The following HPGDS variants were observed in gnomAD, a reference collection of about 807,000 sequenced individuals.
HPGDS encodes hematopoietic prostaglandin D synthase.
HPGDS carries 26 observed loss-of-function variants against 23.1 expected under a neutral mutation model. That is an observed-to-expected ratio of 1.13 (90% CI 0.83 to 1.56). HPGDS has a LOEUF of 1.56. Among genes scored for constraint, HPGDS ranks in the 40% most tolerant of loss-of-function variants. The pLI, the probability that HPGDS is intolerant of heterozygous loss-of-function variation, is 0.00. For synonymous variants in HPGDS, 95 were observed against 77.9 expected (o/e 1.22, Z -1.16); for missense variants, 268 against 236.4 (o/e 1.13, Z -0.88).
chr4:94,308,800 T>C, intron 3 of HPGDS, 57 bp from the exon 4 acceptor site: 1 of 917,864 alleles, frequency 1.1e-6, no homozygotes, highest in Non-Finnish European at 1.8e-6. Context: ...AAAAAGTTTG[T>C]TTTTAACAGA....
chr4:94,334,127 G>A (rs2059606), intron 2 of HPGDS: 97,198 of 161,982 alleles, frequency 0.6, 29,776 homozygotes, highest in Middle Eastern at 0.64. Context: ...ACTGACCTGG[G>A]TTTGAAACTC....
chr4:94,311,433 A>T (rs1756270228), intron 3 of HPGDS, among the ~76,000 whole-genome samples: 1 of 151,140 alleles, frequency 6.6e-6, no homozygotes, highest in Admixed American at 6.6e-5. Flanking sequence ...TATATGCTGG[A>T]TTACGTTTAT....
chr4:94,335,342 C>T (rs1280082189), intron 1 of HPGDS, among the ~76,000 whole-genome samples: 1 of 152,200 alleles, frequency 6.6e-6, no homozygotes, highest in Admixed American at 6.5e-5. Context: ...TCTTACATTT[C>T]AAAACGTTTG....
At chr4:94,315,758 G>T (rs931409669) in intron 3 of HPGDS, among the ~76,000 whole-genome samples, 2 of 152,218 alleles carry the variant, frequency 1.3e-5, no homozygotes, top group Middle Eastern at 3.4e-3. Context: ...CTATATTTTT[G>T]TGTGTGTGAT....
intron 2 of HPGDS, among the ~76,000 whole-genome samples, chr4:94,318,257 T>A (rs911391237): frequency 1.5e-4 from 23 of 152,152 alleles, no homozygotes; most frequent in Non-Finnish European, 3.1e-4. Flanking sequence ...TTAAAAAAAA[T>A]TAATTGTAAA....
intron 3 of HPGDS, among the ~76,000 whole-genome samples, chr4:94,309,125 AT>A (rs1349130061): frequency 1.7e-5 from 1 of 59,636 alleles, no homozygotes; most frequent in Non-Finnish European, 3.2e-5. Flanking sequence ...TTATTTTTTT[AT>A]TTTTTTAATT....
At chr4:94,322,137 T>C (rs1166190583) in intron 2 of HPGDS, among the ~76,000 whole-genome samples, 1 of 152,140 alleles carries the variant, frequency 6.6e-6, no homozygotes, top group Non-Finnish European at 1.5e-5. Flanking sequence ...GTGGATAAGG[T>C]TTTTGATGTG....
At chr4:94,309,459 T>C (rs1299565331) in intron 3 of HPGDS, among the ~76,000 whole-genome samples, 1 of 152,130 alleles carries the variant, frequency 6.6e-6, no homozygotes, top group Non-Finnish European at 1.5e-5. Flanking sequence ...GGACATGAAC[T>C]CATCATTTTT....
At chr4:94,339,125 A>G (rs1324864846) in intron 1 of HPGDS, among the ~76,000 whole-genome samples, 2 of 152,240 alleles carry the variant, frequency 1.3e-5, no homozygotes, top group Non-Finnish European at 2.9e-5. Flanking sequence ...GAAAATAAGC[A>G]TAATTAGACC....
rs1298052289 is a variant in HPGDS, at chr4:94,317,968, TA to T, written c.134-4del. The T allele has an allele frequency of 6.4e-7, 1 of 1,557,764 alleles. No individual in the cohort carries two copies. The highest frequency in any genetic ancestry group is 1.1e-5 in the South Asian group (1 of 88,676). On this transcript the variant is annotated splice_region_variant and splice_polypyrimidine_tract_variant and intron_variant, in intron 2 of 5. Transcript: ENST00000295256. ...GGGGATTTTTCCAAATGGGAGAGCT[TA>T]AAATGAAATGAGCAAATAATTAACT...
At chr4:94,312,473 T>C (rs1238690566) in intron 3 of HPGDS, among the ~76,000 whole-genome samples, 1 of 152,178 alleles carries the variant, frequency 6.6e-6, no homozygotes, top group African/African-American at 2.4e-5. Context: ...TAATCCTGAG[T>C]TCTAATTTGA....
Position 94,298,574 on chromosome 4 carries a change from G to A in HPGDS, c.*906C>T, listed in dbSNP as rs928284872. 3 of 152,252 alleles carry A rather than the reference G, an allele frequency of 2.0e-5. No individual in the cohort carries two copies. The highest frequency in any genetic ancestry group is 7.2e-5 in the African/African-American group (3 of 41,448). The allele number at this position is 152,252 out of a possible 1,614,324, so 9.4% of individuals were successfully genotyped here. A position where few individuals can be genotyped will look rare whatever the true frequency, so the allele number is the denominator to read the frequency against. On this transcript the variant is annotated 3_prime_UTR_variant, in exon 6 of 6. Coordinates refer to ENST00000295256, the MANE Select transcript of HPGDS (RefSeq NM_014485.3). ...TGAGTCCGAAAAGAGAGTCAGCCGA[G>A]TTTTATGAGTTCTATATAATTTTGA...
chr4:94,311,515 T>C (rs1579431480), intron 3 of HPGDS, among the ~76,000 whole-genome samples: 1 of 151,356 alleles, frequency 6.6e-6, no homozygotes, highest in Non-Finnish European at 1.5e-5. Context: ...ATAAGGTTTT[T>C]GATGTGTTGC....
intron 2 of HPGDS, among the ~76,000 whole-genome samples, chr4:94,324,226 C>A (rs184232991): frequency 3.3e-5 from 5 of 152,208 alleles, no homozygotes; most frequent in African/African-American, 1.2e-4. Context: ...GTGAATCTGA[C>A]GATTACATGT....
chr4:94,314,868 C>T (rs1756363029), intron 3 of HPGDS, among the ~76,000 whole-genome samples: 1 of 152,220 alleles, frequency 6.6e-6, no homozygotes, highest in African/African-American at 2.4e-5. Context: ...CTCGCTGCCG[C>T]CTTGCAGTTT....
intron 3 of HPGDS, among the ~76,000 whole-genome samples, chr4:94,310,158 G>T (rs1050107211): frequency 6.6e-6 from 1 of 152,086 alleles, no homozygotes. Flanking sequence ...GTCAATTCTG[G>T]CTTTTGTTGC....
At chr4:94,305,271 G>C (rs1756119131) in intron 4 of HPGDS, among the ~76,000 whole-genome samples, 2 of 152,060 alleles carry the variant, frequency 1.3e-5, no homozygotes, top group South Asian at 4.2e-4. Flanking sequence ...CAACCTGGCA[G>C]TTTGACTCCA....
intron 1 of HPGDS, among the ~76,000 whole-genome samples, chr4:94,341,583 C>T (rs1437910312): frequency 6.6e-6 from 1 of 152,176 alleles, no homozygotes; most frequent in Non-Finnish European, 1.5e-5. Flanking sequence ...TGTTAGCCAA[C>T]GTAAGCTCTT....
At chr4:94,306,628 G>A (rs1756143676) in intron 4 of HPGDS, among the ~76,000 whole-genome samples, 1 of 152,078 alleles carries the variant, frequency 6.6e-6, no homozygotes, top group Admixed American at 6.6e-5. Context: ...TTTAGCATGG[G>A]ATGTTCTTCA....
Sources: gnomAD v4.1 joint callset for allele counts (sites outside exome capture counted in the v4.1 genomes callset) on GRCh38, gnomAD v4.1.1 for gene constraint, MANE v1.5 for transcripts, NCBI Gene and HGNC (gene_info 2026-07-23, HGNC 2026-07-21) for gene names.